The following TOP2B variants were observed in gnomAD, a reference collection of about 807,000 sequenced individuals.
TOP2B encodes DNA topoisomerase 2-beta.
A neutral mutation model predicts 193.5 loss-of-function variants in TOP2B; 51 were observed. The observed-to-expected ratio is 0.26, with a 90% CI of 0.21 to 0.33. The LOEUF is 0.33. Ranked by LOEUF, TOP2B falls within the 10% of genes least tolerant of loss-of-function variation. The pLI is 1.00. For synonymous variants in TOP2B, 634 were observed against 635.7 expected, an observed-to-expected ratio of 1.00 and a Z score of 0.04; for missense variants, 1,378 against 1,909.3, an observed-to-expected ratio of 0.72 and a Z score of 5.19.
chr3:25,643,288 C>T (rs1015944775), intron 3 of TOP2B, among the ~76,000 whole-genome samples: 5 of 152,162 alleles, frequency 3.3e-5, no homozygotes, highest in Non-Finnish European at 2.9e-5. Flanking sequence ...CACTTGGCTG[C>T]CCAACAGAAA....
At chr3:25,627,526 T>C (rs1436025986) in intron 15 of TOP2B, among the ~76,000 whole-genome samples, 1 of 152,104 alleles carries the variant, frequency 6.6e-6, no homozygotes, top group Non-Finnish European at 1.5e-5. Flanking sequence ...AACCCAAATC[T>C]GATCACGCCT....
At chr3:25,651,356 G>T (rs1048627625) in intron 1 of TOP2B, among the ~76,000 whole-genome samples, 1 of 151,052 alleles carries the variant, frequency 6.6e-6, no homozygotes, top group South Asian at 2.1e-4. Context: ...ATCACCTGAA[G>T]ATATGTTATG....
Position 25,620,861 on chromosome 3 carries a change from C to T in TOP2B, c.2728-45G>A, listed in dbSNP as rs192198716. 12,503 of 1,594,976 alleles carry T rather than the reference C, an allele frequency of 7.8e-3. 94 individuals are homozygous for T. The highest frequency in any genetic ancestry group is 0.011 in the Middle Eastern group (66 of 6,022). On this transcript the variant is annotated intron_variant, in intron 21 of 35. Transcript: ENST00000264331. Reference sequence around the variant, plus strand: ...TAGCATTGACTTCTCTCTTGAGTACCAGTACCATGAGTCTATGGTCTAACA... The same window carrying T: ...TAGCATTGACTTCTCTCTTGAGTACTAGTACCATGAGTCTATGGTCTAACA...
chr3:25,619,001 A>G (rs1238459847), intron 23 of TOP2B, among the ~76,000 whole-genome samples, 152 bp from the exon 24 acceptor site: 1 of 152,190 alleles, frequency 6.6e-6, no homozygotes, highest in African/African-American at 2.4e-5. Context: ...AAACAGAACT[A>G]AGACTATTAA....
chr3:25,622,020 G>C (rs1460583715), intron 21 of TOP2B, among the ~76,000 whole-genome samples: 1 of 151,720 alleles, frequency 6.6e-6, no homozygotes, highest in Non-Finnish European at 1.5e-5. Context: ...AAGAAATTGA[G>C]CATATAGCAT....
intron 35 of TOP2B, 109 bp downstream of exon 35, chr3:25,599,326 G>T: frequency 1.1e-6 from 1 of 894,266 alleles, no homozygotes; most frequent in Non-Finnish European, 1.7e-6. Flanking sequence ...ATTGATACGA[G>T]ATGCTAGGTG....
chr3:25,621,158 C>T (rs1702649277), intron 21 of TOP2B, among the ~76,000 whole-genome samples: 2 of 152,192 alleles, frequency 1.3e-5, no homozygotes, highest in Non-Finnish European at 2.9e-5. Flanking sequence ...CCCAATCTGG[C>T]TTTCAATTTT....
At chr3:25,655,784 G>A (rs1160362754) in intron 1 of TOP2B, among the ~76,000 whole-genome samples, 1 of 152,076 alleles carries the variant, frequency 6.6e-6, no homozygotes, top group Non-Finnish European at 1.5e-5. Context: ...CAGTCACAAA[G>A]GACAAATACT....
At position 25,656,268 on chromosome 3, in the gene TOP2B, C is replaced by T. The variant is rs1443783553; in HGVS notation, c.69+7961G>A. Among the ~76,000 whole-genome samples the T allele has an allele frequency of 2.0e-5, 3 of 152,172 alleles. No homozygotes were observed. In the East Asian group the frequency reaches 5.8e-4, roughly 29 times the overall value. On this transcript the variant is annotated intron_variant, in intron 1 of 35. Coordinates refer to ENST00000264331, the MANE Select transcript of TOP2B (RefSeq NM_001330700.2). The stretch of plus-strand genomic sequence containing the variant: ...TATAGAATACAATGGAAGTCATTTG[C>T]AGATATTTCAAATCAACTGCCAATT...
intron 5 of TOP2B, 133 bp downstream of exon 5, chr3:25,638,032 A>G: frequency 2.3e-6 from 2 of 884,036 alleles, no homozygotes; most frequent in Non-Finnish European, 1.7e-6. Flanking sequence ...GACAATATTT[A>G]TACATGATAG....
rs1451112055 is a variant in TOP2B at position 25,638,322 on chromosome 3, A to T, written c.396-12T>A. ...TAATGTTAGATTCACTGTAAAAAAA[A>T]AAAAAAAAAAAAAAAAAAAAAAAAA... is the stretch of plus-strand genomic sequence containing the variant. On this transcript the variant is annotated splice_polypyrimidine_tract_variant and intron_variant, in intron 4 of 35. Transcript: ENST00000264331. The T allele has an allele frequency of 2.7e-5, 28 of 1,033,608 alleles. 1 individual carries two copies. In the African/African-American group the frequency reaches 9.9e-4, roughly 36 times the overall value. 64.0% of individuals were successfully genotyped at this position (1,033,608 alleles called of 1,614,324 possible).
chr3:25,664,276 C>G lies in TOP2B; in HGVS notation c.22G>C (p.Gly8Arg), dbSNP rs759290825. MAKSGGC[G>R]AGAGVGGGNG... ...CCGCCGCCCACGCCGGCTCCCGCGC[C>G]GCAGCCACCCGACTTGGCCATGGCG... The change falls in exon 1 of 36, where the codon GGC becomes CGC. Residue 8 changes from glycine (G) to arginine (R), a missense_variant. Gly to Arg is a moderately radical substitution (Grantham distance 125, BLOSUM62 -2). Coordinates refer to ENST00000264331, the MANE Select transcript of TOP2B (RefSeq NM_001330700.2). The G allele has an allele frequency of 6.5e-7, 1 of 1,535,288 alleles. No individual in the cohort carries two copies. Among genetic ancestry groups the G allele is most frequent in the South Asian group, 1.2e-5 (1 of 83,894 alleles).
At chr3:25,609,121 CTA>C in intron 30 of TOP2B, 60 bp downstream of exon 30, 2 of 1,394,360 alleles carry the variant, frequency 1.4e-6, no homozygotes, top group East Asian at 2.5e-5. Context: ...ACTGATAATA[CTA>C]ACAATACCAA....
At chr3:25,645,218 A>T in intron 2 of TOP2B, 82 bp downstream of exon 2, 2 of 1,265,062 alleles carry the variant, frequency 1.6e-6, no homozygotes, top group Non-Finnish European at 2.2e-6. Flanking sequence ...CAAAGCAAGT[A>T]ATTACAATAA....
intron 31 of TOP2B, among the ~76,000 whole-genome samples, chr3:25,606,645 A>G (rs1045670810): frequency 5.6e-4 from 85 of 152,288 alleles, no homozygotes; most frequent in African/African-American, 1.9e-3. Context: ...ATACTTTTAA[A>G]AAAACATCTA....
chr3:25,598,212 C>T lies in TOP2B; in HGVS notation c.*95G>A, dbSNP rs1052711487. The T allele has an allele frequency of 4.6e-6, 6 of 1,307,878 alleles. No homozygotes were observed. The highest frequency in any genetic ancestry group is 1.5e-5 in the African/African-American group (1 of 67,360). 81.0% of individuals were successfully genotyped at this position (1,307,878 alleles called of 1,614,324 possible). On this transcript the variant is annotated 3_prime_UTR_variant, in exon 36 of 36. Transcript: ENST00000264331. Reference sequence around the variant, plus strand: ...TAAAAAACCGTCAATTACATCATCACATTAAAATAAGCCAGATGTACAAAA... The same window carrying T: ...TAAAAAACCGTCAATTACATCATCATATTAAAATAAGCCAGATGTACAAAA...
intron 1 of TOP2B, among the ~76,000 whole-genome samples, chr3:25,650,705 T>C (rs1703562248): frequency 6.6e-6 from 1 of 152,254 alleles, no homozygotes; most frequent in Non-Finnish European, 1.5e-5. Flanking sequence ...AATAAGGGCA[T>C]GAACATGATT....
rs1011375219 is a variant in TOP2B, at chr3:25,598,972, T to TG, written c.4710+462dup. Among the ~76,000 whole-genome samples, 7 of 152,090 alleles carry TG rather than the reference T, an allele frequency of 4.6e-5. No individual in the cohort carries two copies. In the East Asian group the frequency reaches 7.7e-4, roughly 17 times the overall value. ...ATGTGGAAATCAACATAAAAAGGGA[T>TG]GCGGGGGAGCTGATGTCATTCATTT... On this transcript the variant is annotated intron_variant, in intron 35 of 35. Coordinates refer to ENST00000264331, the MANE Select transcript of TOP2B (RefSeq NM_001330700.2).
rs538113717 is a variant in TOP2B at position 25,650,631 on chromosome 3, C to T, written c.70-5161G>A. ...AATTTTTCATATAGAATTGTGGAAG[C>T]TGAACCGACTGAGACATCTATGGTG... On this transcript the variant is annotated intron_variant, in intron 1 of 35. Transcript: ENST00000264331. Among the ~76,000 whole-genome samples the T allele has an allele frequency of 4.6e-5, 7 of 152,334 alleles. No homozygotes were observed. The South Asian group carries it at 1.4e-3, about 32-fold the overall frequency.
Sources: gnomAD v4.1 joint callset for allele counts (sites outside exome capture counted in the v4.1 genomes callset) on GRCh38, gnomAD v4.1.1 for gene constraint, MANE v1.5 for transcripts, NCBI Gene and HGNC (gene_info 2026-07-23, HGNC 2026-07-21) for gene names.